Variants in CFAP54 observed in about 807,000 individuals in gnomAD.
CFAP54 encodes cilia- and flagella-associated protein 54.
In CFAP54, 290 loss-of-function variants were observed where a neutral mutation model predicts 370.4. The observed-to-expected ratio is 0.78, with a 90% CI of 0.71 to 0.86. The LOEUF (loss-of-function observed/expected upper bound fraction) is 0.86. Ranked by LOEUF, CFAP54 falls within the 40% of genes least tolerant of loss-of-function variation. CFAP54 has a pLI of 0.00. For synonymous variants in CFAP54, 1,206 were observed against 1,236.5 expected (o/e 0.98, Z 0.52); for missense variants, 3,399 against 3,528.7 (o/e 0.96, Z 0.93).
chr12:96,698,338 T>C (rs1274375739), intron 45 of CFAP54, among the ~76,000 whole-genome samples: 1 of 152,190 alleles, frequency 6.6e-6, no homozygotes, highest in Admixed American at 6.5e-5. Context: ...AAAATATATG[T>C]ATTTAAAATT....
intron 55 of CFAP54, among the ~76,000 whole-genome samples, chr12:96,748,024 G>T (rs1171496200): frequency 6.6e-6 from 1 of 151,956 alleles, no homozygotes; most frequent in Non-Finnish European, 1.5e-5. Flanking sequence ...TGCAGACTCA[G>T]ATATGTGGTT....
chr12:96,629,073 C>T (rs544561347), intron 30 of CFAP54, among the ~76,000 whole-genome samples: 2 of 152,152 alleles, frequency 1.3e-5, no homozygotes, highest in African/African-American at 4.8e-5. Flanking sequence ...AAGATGGAAC[C>T]AAAGAGATTG....
chr12:96,751,379 C>T (rs1187559326), intron 55 of CFAP54, among the ~76,000 whole-genome samples: 1 of 151,830 alleles, frequency 6.6e-6, no homozygotes, highest in Non-Finnish European at 1.5e-5. Context: ...CTAATTTTAA[C>T]AAAAATCTAG....
At chr12:96,787,039 A>G (rs1958636762) in intron 62 of CFAP54, 141 bp downstream of exon 62, 1 of 671,124 alleles carries the variant, frequency 1.5e-6, no homozygotes. Flanking sequence ...TTCCTGTGTT[A>G]CCATGTGGAT....
intron 42 of CFAP54, 116 bp downstream of exon 42, chr12:96,685,354 C>T: frequency 3.7e-6 from 3 of 809,412 alleles, no homozygotes; most frequent in Non-Finnish European, 4.1e-6. Context: ...GAGGTTATGT[C>T]CATATCATAC....
rs1469915560 is a variant in CFAP54, at chr12:96,722,710, AATTAAGGAGGCT to A, written c.6965+2150_6965+2161del. ...AAAAGGGTGTGAAAGCAAGGAGATG[AATTAAGGAGGCT>A]ATTATAATAACAGAAATATGGTGGT... On this transcript the variant is annotated intron_variant, in intron 50 of 67. Coordinates refer to ENST00000524981, the MANE Select transcript of CFAP54 (RefSeq NM_001306084.2). Among the ~76,000 whole-genome samples the A allele has an allele frequency of 5.3e-5, 8 of 152,288 alleles. No individual in the cohort carries two copies. In the East Asian group the frequency reaches 1.5e-3, roughly 29 times the overall value.
chr12:96,750,282 T>A (rs1428821432), intron 55 of CFAP54, among the ~76,000 whole-genome samples: 1 of 150,086 alleles, frequency 6.7e-6, no homozygotes, highest in Non-Finnish European at 1.5e-5. Context: ...CCCACCTGTC[T>A]CCTGCAGCAG....
At position 96,841,839 on chromosome 12, in the gene CFAP54, C is replaced by T. The variant is rs185964763; in HGVS notation, c.9171+12751C>T. 7.8e-4 allele frequency among the ~76,000 whole-genome samples: 119 copies of T among 152,326 alleles called. 2 individuals are homozygous for T. Among genetic ancestry groups the T allele is most frequent in the Middle Eastern group, 3.4e-3 (1 of 294 alleles). On this transcript the variant is annotated intron_variant, in intron 66 of 67. Coordinates refer to ENST00000524981, the MANE Select transcript of CFAP54 (RefSeq NM_001306084.2). Reference sequence around the variant, plus strand: ...CATAGTTTGATTCTTGGTTCCGCCACCTATTGGTTGTATGACCTTGGACAA... The same window carrying T: ...CATAGTTTGATTCTTGGTTCCGCCATCTATTGGTTGTATGACCTTGGACAA...
chr12:96,750,135 T>C (rs1958165844), intron 55 of CFAP54, among the ~76,000 whole-genome samples: 1 of 152,202 alleles, frequency 6.6e-6, no homozygotes, highest in African/African-American at 2.4e-5. Context: ...CTAGAGACCT[T>C]GTTCCAAGCT....
At chr12:96,539,015 A>G (rs1955539504) in intron 13 of CFAP54, among the ~76,000 whole-genome samples, 1 of 148,742 alleles carries the variant, frequency 6.7e-6, no homozygotes, top group African/African-American at 2.5e-5. Flanking sequence ...CAGCCTCCCA[A>G]AGTGTTTGGA....
chr12:96,512,108 A>C (rs1323608322), intron 4 of CFAP54, among the ~76,000 whole-genome samples: 1 of 151,918 alleles, frequency 6.6e-6, no homozygotes, highest in Non-Finnish European at 1.5e-5. Flanking sequence ...CTAGTAGGAC[A>C]CACCTTGATA....
At chr12:96,637,262 T>G (rs1956672748) in intron 32 of CFAP54, among the ~76,000 whole-genome samples, 1 of 152,250 alleles carries the variant, frequency 6.6e-6, no homozygotes. Context: ...TTTCATGGTA[T>G]GGATACATCA....
intron 66 of CFAP54, among the ~76,000 whole-genome samples, chr12:96,852,028 TA>T (rs1256839309): frequency 6.6e-6 from 1 of 152,142 alleles, no homozygotes; most frequent in Non-Finnish European, 1.5e-5. Flanking sequence ...CTGTCTGTAC[TA>T]TCACTGGAAA....
intron 61 of CFAP54, 34 bp downstream of exon 61, chr12:96,784,924 T>G (rs1958614627): frequency 7.5e-7 from 1 of 1,342,026 alleles, no homozygotes; most frequent in Non-Finnish European, 9.8e-7. Flanking sequence ...GAGAACATAT[T>G]TCTTTCTAAT....
At chr12:96,511,222 G>A (rs1365442616) in intron 4 of CFAP54, among the ~76,000 whole-genome samples, 1 of 152,070 alleles carries the variant, frequency 6.6e-6, no homozygotes, top group Non-Finnish European at 1.5e-5. Context: ...AATTTTGGGG[G>A]TCACTGATTT....
chr12:96,731,335 T>C (rs910683637), intron 50 of CFAP54, among the ~76,000 whole-genome samples: 4 of 152,260 alleles, frequency 2.6e-5, no homozygotes, highest in African/African-American at 9.6e-5. Flanking sequence ...TGCCTAGGTA[T>C]GTCTGCTGCT....
intron 67 of CFAP54, among the ~76,000 whole-genome samples, chr12:96,871,957 A>G (rs1960180733): frequency 6.6e-6 from 1 of 152,150 alleles, no homozygotes; most frequent in African/African-American, 2.4e-5. Context: ...GGAAGTTAGG[A>G]AAGAGCCCCA....
At chr12:96,777,227 G>A (rs1258140912) in intron 60 of CFAP54, among the ~76,000 whole-genome samples, 2 of 152,142 alleles carry the variant, frequency 1.3e-5, no homozygotes, top group African/African-American at 4.8e-5. Flanking sequence ...TTGCACTTCA[G>A]TATGCAGCAG....
chr12:96,551,533 A>C (rs1294713535), intron 15 of CFAP54, among the ~76,000 whole-genome samples: 6 of 147,750 alleles, frequency 4.1e-5, no homozygotes, highest in Non-Finnish European at 8.9e-5. Context: ...GTCTGTATGT[A>C]TATATAGTAT....
Sources: gnomAD v4.1 joint callset for allele counts (sites outside exome capture counted in the v4.1 genomes callset) on GRCh38, gnomAD v4.1.1 for gene constraint, MANE v1.5 for transcripts, NCBI Gene and HGNC (gene_info 2026-07-23, HGNC 2026-07-21) for gene names.